Variants in GOLM1 observed in about 807,000 individuals in gnomAD.
GOLM1 encodes epididymis luminal protein 46.
A neutral mutation model predicts 50.5 loss-of-function variants in GOLM1; 31 were observed. The ratio of observed to expected loss-of-function variants is 0.61; its 90% CI spans 0.46 to 0.83. GOLM1 has a LOEUF of 0.83. GOLM1 is among the 40% of genes least tolerant of loss of function. The probability of loss-of-function intolerance (pLI) is 0.00; values close to 1 mark genes in which losing one functional copy is unlikely to be tolerated. For synonymous variants in GOLM1, 178 were observed against 192.8 expected, an observed-to-expected ratio of 0.92 and a Z score of 0.64; for missense variants, 491 against 501.3, an observed-to-expected ratio of 0.98 and a Z score of 0.20.
At chr9:86,056,001 T>G (rs1833973296) in intron 3 of GOLM1, among the ~76,000 whole-genome samples, 1 of 143,042 alleles carries the variant, frequency 7.0e-6, no homozygotes, top group Non-Finnish European at 1.5e-5. Flanking sequence ...CAAAAACACT[T>G]AAATTATTAC....
intron 4 of GOLM1, 46 bp from the exon 5 acceptor site, chr9:86,046,618 T>C (rs760439741): frequency 8.3e-7 from 1 of 1,201,486 alleles, no homozygotes; most frequent in Non-Finnish European, 1.2e-6. Flanking sequence ...GGCACAGCTG[T>C]CATGCCATTC....
chr9:86,040,707 C>T, intron 6 of GOLM1, 32 bp downstream of exon 6: 1 of 1,599,972 alleles, frequency 6.3e-7, no homozygotes, highest in Non-Finnish European at 8.5e-7. Context: ...GGGGTACCTT[C>T]TAGAAACTCT....
rs148428515 is a variant in GOLM1 at position 86,054,748 on chromosome 9, T to C, written c.310-2157A>G. 3.5e-3 allele frequency among the ~76,000 whole-genome samples: 540 copies of C among 152,260 alleles called. 3 individuals are homozygous for C. The highest frequency in any genetic ancestry group is 0.012 in the African/African-American group (490 of 41,544). On this transcript the variant is annotated intron_variant, in intron 3 of 9. Transcript: ENST00000388712. ...GGACACCAACGTAGTAGGCTGTACC[T>C]AATGTTAAAAACAAACAAAAGCCTG...
chr9:86,055,537 C>CA (rs1253056652), intron 3 of GOLM1, among the ~76,000 whole-genome samples: 12 of 152,162 alleles, frequency 7.9e-5, no homozygotes, highest in African/African-American at 2.9e-4. Context: ...GAATGCAACC[C>CA]AGGGGGTCAC....
chr9:86,088,456 A>T (rs1221836877), intron 1 of GOLM1, among the ~76,000 whole-genome samples: 4 of 125,044 alleles, frequency 3.2e-5, no homozygotes, highest in African/African-American at 1.2e-4. Context: ...ATATATATAT[A>T]TTTAGGATAG....
At chr9:86,097,928 T>C (rs1027307235) in intron 1 of GOLM1, among the ~76,000 whole-genome samples, 5 of 152,196 alleles carry the variant, frequency 3.3e-5, no homozygotes, top group Non-Finnish European at 7.3e-5. Context: ...AATCTTTTCA[T>C]TTCCCATCAA....
intron 3 of GOLM1, among the ~76,000 whole-genome samples, chr9:86,072,833 C>G (rs941858108): frequency 7.2e-5 from 11 of 152,316 alleles, no homozygotes; most frequent in Non-Finnish European, 1.5e-4. Context: ...ATGCTACAGC[C>G]TAATGCTCCC....
Position 86,035,381 on chromosome 9 carries a change from T to C in GOLM1, c.1002A>G (p.Glu334=). The change falls in exon 8 of 10, where the codon GAA becomes GAG. Residue 334 remains glutamate, a synonymous_variant. Coordinates refer to ENST00000388712, the MANE Select transcript of GOLM1 (RefSeq NM_016548.4). ...VIPDGQEEEQ[E]AAGEGRNQQK... ...CTTCACACCCACCTTCCCCGGCAGC[T>C]TCCTGCTCCTCCTCCTGTCCGTCGG... The C allele has an allele frequency of 6.2e-7, 1 of 1,613,796 alleles. No individual in the cohort carries two copies. The highest frequency in any genetic ancestry group is 8.5e-7 in the Non-Finnish European group (1 of 1,179,978).
chr9:86,035,022 A>C (rs1443110879), intron 8 of GOLM1: 1 of 985,174 alleles, frequency 1.0e-6, no homozygotes, highest in Admixed American at 6.2e-5. Context: ...GGCACCAGAC[A>C]CTGCACGACG....
intron 5 of GOLM1, among the ~76,000 whole-genome samples, chr9:86,042,944 C>T (rs1418390773): frequency 6.6e-6 from 1 of 152,122 alleles, no homozygotes. Context: ...ATGTAAGTGG[C>T]AAATATTCCA....
chr9:86,052,557 C>T lies in GOLM1; in HGVS notation c.344G>A (p.Arg115Lys). The T allele has an allele frequency of 6.2e-7, 1 of 1,613,780 alleles. No homozygotes were observed. The highest frequency in any genetic ancestry group is 8.5e-7 in the Non-Finnish European group (1 of 1,179,712). The change falls in exon 4 of 10, where the codon AGG becomes AAG. Residue 115 changes from arginine (R) to lysine (K), a missense_variant. Transcript: ENST00000388712. ...CTTACCTTGCAGCACTCGGATGAGC[C>T]TCTCACCTGTGGTGATGTTATTCAC... ...VLVNNITTGE[R>K]LIRVLQDQLK...
intron 6 of GOLM1, among the ~76,000 whole-genome samples, chr9:86,037,546 C>G (rs946520923): frequency 2.0e-5 from 3 of 152,046 alleles, no homozygotes; most frequent in Non-Finnish European, 4.4e-5. Flanking sequence ...TGTACACCTT[C>G]AAGCATCTGT....
At position 86,072,067 on chromosome 9, in the gene GOLM1, T is replaced by C. The variant is rs546005942; in HGVS notation, c.309+5345A>G. ...CTACAAAAAGCAAGTTATAAAATGA[T>C]AGTGACCAAACATATACATTAAAAC... On this transcript the variant is annotated intron_variant, in intron 3 of 9. Coordinates refer to ENST00000388712, the MANE Select transcript of GOLM1 (RefSeq NM_016548.4). Among the ~76,000 whole-genome samples, 6 of 152,186 alleles carry C rather than the reference T, an allele frequency of 3.9e-5. No homozygotes were observed. The South Asian group carries it at 1.0e-3, about 26-fold the overall frequency.
rs755598790 is a variant in GOLM1, at chr9:86,077,601, G to A, written c.130-10C>T. ...GCTCCATGATCCGTGTCTACAAGGA[G>A]ACCGTGGCATTAGGGCTGATGCCAA... is the stretch of plus-strand genomic sequence containing the variant. On this transcript the variant is annotated splice_polypyrimidine_tract_variant and intron_variant, in intron 2 of 9. Transcript: ENST00000388712. 36 of 1,609,632 alleles carry A rather than the reference G, an allele frequency of 2.2e-5. No individual in the cohort carries two copies. Among genetic ancestry groups the A allele is most frequent in the Non-Finnish European group, 5.1e-6 (6 of 1,176,778 alleles).
chr9:86,088,351 T>A (rs1461429490), intron 1 of GOLM1, among the ~76,000 whole-genome samples: 1 of 148,954 alleles, frequency 6.7e-6, no homozygotes, highest in African/African-American at 2.5e-5. Flanking sequence ...TTAGTCTGGC[T>A]AGCAGTCTAT....
chr9:86,053,342 CCACAACTCCACACCACGT>C (rs1273077057), intron 3 of GOLM1, among the ~76,000 whole-genome samples: 3 of 109,950 alleles, frequency 2.7e-5, no homozygotes, highest in Non-Finnish European at 6.4e-5. Flanking sequence ...CTACACCACG[CCACAACTCCACACCACGT>C]ACCACTCCAC....
At chr9:86,062,279 C>T (rs10115650) in intron 3 of GOLM1, among the ~76,000 whole-genome samples, 54,197 of 151,918 alleles carry the variant, frequency 0.36, 12,489 homozygotes, top group African/African-American at 0.65. Flanking sequence ...TGGTGGCCAT[C>T]ACAGACATAA....
At chr9:86,035,070 A>G (rs1167492309) in intron 8 of GOLM1, 3 of 985,236 alleles carry the variant, frequency 3.0e-6, no homozygotes, top group African/African-American at 3.5e-5. Context: ...CCTGCCTGCC[A>G]GGAGGGGGCG....
At chr9:86,049,611 G>A (rs1833670463) in intron 4 of GOLM1, among the ~76,000 whole-genome samples, 1 of 152,070 alleles carries the variant, frequency 6.6e-6, no homozygotes, top group Admixed American at 6.6e-5. Flanking sequence ...GGATTCCTAG[G>A]TATTTATTCT....
Sources: gnomAD v4.1 joint callset for allele counts (sites outside exome capture counted in the v4.1 genomes callset) on GRCh38, gnomAD v4.1.1 for gene constraint, MANE v1.5 for transcripts, NCBI Gene and HGNC (gene_info 2026-07-23, HGNC 2026-07-21) for gene names.